Variants in TCAIM observed in about 807,000 individuals in gnomAD.
The protein encoded by TCAIM is T cell activation inhibitor, mitochondrial.
Under a neutral mutation model 58.6 loss-of-function variants are expected in TCAIM, and 36 were observed. That is an observed-to-expected ratio of 0.61 (90% confidence interval 0.47 to 0.81). TCAIM has a LOEUF of 0.81. TCAIM is among the 30% of genes least tolerant of loss of function. TCAIM has a pLI of 0.00. For synonymous variants in TCAIM, 172 were observed against 193.6 expected (o/e 0.89, Z 0.93); for missense variants, 466 against 579.6 (o/e 0.80, Z 2.01).
At chr3:44,342,837 A>G (rs1466523409) in intron 1 of TCAIM, among the ~76,000 whole-genome samples, 1 of 151,942 alleles carries the variant, frequency 6.6e-6, no homozygotes, top group Non-Finnish European at 1.5e-5. Flanking sequence ...GCTGATTCAC[A>G]TTAAATAAAC....
At chr3:44,356,851 C>G (rs1701203411) in intron 2 of TCAIM, among the ~76,000 whole-genome samples, 1 of 151,508 alleles carries the variant, frequency 6.6e-6, no homozygotes, top group African/African-American at 2.4e-5. Context: ...TGGCACATGC[C>G]TGTAGTCCCA....
intron 2 of TCAIM, among the ~76,000 whole-genome samples, chr3:44,355,526 A>G (rs144119885): frequency 6.5e-4 from 99 of 152,324 alleles, no homozygotes; most frequent in Non-Finnish European, 1.2e-3. Context: ...GTGATACCCA[A>G]TATGGTTGGA....
chr3:44,346,741 C>A (rs1261321813), intron 1 of TCAIM, among the ~76,000 whole-genome samples: 1 of 152,172 alleles, frequency 6.6e-6, no homozygotes, highest in East Asian at 1.9e-4. Flanking sequence ...CTGCCGCGTG[C>A]AGACATGAAG....
intron 8 of TCAIM, among the ~76,000 whole-genome samples, chr3:44,398,821 A>G (rs1397950101): frequency 1.3e-5 from 2 of 152,218 alleles, no homozygotes; most frequent in Non-Finnish European, 2.9e-5. Flanking sequence ...CATCCATACC[A>G]TAGGATTCTA....
At chr3:44,358,718 A>G in intron 3 of TCAIM, 1 of 986,980 alleles carries the variant, frequency 1.0e-6, no homozygotes, top group African/African-American at 1.7e-5. Context: ...ATGGATACCA[A>G]GGGACTGCTA....
At chr3:44,399,478 G>A (rs1199442234) in intron 8 of TCAIM, among the ~76,000 whole-genome samples, 1 of 152,122 alleles carries the variant, frequency 6.6e-6, no homozygotes, top group Non-Finnish European at 1.5e-5. Context: ...AAAAGGCCCT[G>A]GCTTTTAATA....
chr3:44,397,712 A>G lies in TCAIM; in HGVS notation c.885+878A>G, dbSNP rs116044622. On this transcript the variant is annotated intron_variant, in intron 8 of 10. Coordinates refer to ENST00000342649, the MANE Select transcript of TCAIM (RefSeq NM_173826.4). ...TTTAAAAAACTGCCAACACTTAACT[A>G]TGGTCATCTTTTTAATTTTAGTCAG... Among the ~76,000 whole-genome samples the G allele has an allele frequency of 9.7e-3, 1,473 of 152,276 alleles. 16 individuals carry two copies. Among genetic ancestry groups the G allele is most frequent in the Non-Finnish European group, 0.016 (1,056 of 68,024 alleles).
intron 9 of TCAIM, chr3:44,400,973 C>A: frequency 1.8e-6 from 1 of 555,012 alleles, no homozygotes; most frequent in Non-Finnish European, 3.1e-6. Context: ...CAGCAGGTCA[C>A]CCCTGGCATG....
chr3:44,384,646 G>T (rs368658175), intron 5 of TCAIM, among the ~76,000 whole-genome samples: 8 of 152,304 alleles, frequency 5.3e-5, no homozygotes, highest in African/African-American at 1.9e-4. Flanking sequence ...AGTTTTCATA[G>T]TTTTTGCTTG....
chr3:44,351,555 C>T (rs894009370), intron 1 of TCAIM, among the ~76,000 whole-genome samples: 6 of 151,678 alleles, frequency 4.0e-5, no homozygotes, highest in Admixed American at 6.6e-5. Context: ...AGTGCAGTGG[C>T]GTGATCTCGG....
chr3:44,345,138 T>C (rs1213841879), intron 1 of TCAIM, among the ~76,000 whole-genome samples: 1 of 152,058 alleles, frequency 6.6e-6, no homozygotes, highest in Admixed American at 6.5e-5. Context: ...TCAGGGCTGC[T>C]TCGAGCAGGA....
intron 5 of TCAIM, among the ~76,000 whole-genome samples, chr3:44,375,078 T>A (rs1289638051): frequency 6.6e-6 from 1 of 152,232 alleles, no homozygotes; most frequent in Non-Finnish European, 1.5e-5. Flanking sequence ...CATTTTTATA[T>A]ACCTTTTAAT....
intron 10 of TCAIM, among the ~76,000 whole-genome samples, chr3:44,403,759 C>T (rs1042794905): frequency 6.6e-6 from 1 of 152,196 alleles, no homozygotes; most frequent in African/African-American, 2.4e-5. Context: ...TCCCCTGTCT[C>T]ACTCCCTACC....
chr3:44,362,317 C>T (rs1450076651), intron 4 of TCAIM: 5 of 398,824 alleles, frequency 1.3e-5, no homozygotes, highest in Non-Finnish European at 2.2e-5. Context: ...TGACCTTTAA[C>T]TTTTGGGTGT....
chr3:44,403,926 G>A (rs193068710), intron 10 of TCAIM, among the ~76,000 whole-genome samples: 308 of 152,114 alleles, frequency 2.0e-3, no homozygotes, highest in African/African-American at 6.2e-3. Flanking sequence ...GTGGACTCTC[G>A]TCAGAGCAGC....
intron 4 of TCAIM, 117 bp downstream of exon 4, chr3:44,361,635 T>A: frequency 2.0e-6 from 2 of 1,018,468 alleles, no homozygotes; most frequent in Non-Finnish European, 2.7e-6. Flanking sequence ...AATAATAGCA[T>A]TTAATTGATT....
intron 5 of TCAIM, among the ~76,000 whole-genome samples, chr3:44,381,934 G>A (rs1386134501): frequency 6.6e-6 from 1 of 152,160 alleles, no homozygotes; most frequent in African/African-American, 2.4e-5. Flanking sequence ...CGAAAGACTT[G>A]TAGTACAATG....
intron 1 of TCAIM, among the ~76,000 whole-genome samples, chr3:44,351,643 C>T (rs1429763069): frequency 1.3e-5 from 2 of 151,746 alleles, no homozygotes; most frequent in Admixed American, 6.6e-5. Context: ...TACAGGGTCC[C>T]ACTACCACAC....
intron 1 of TCAIM, among the ~76,000 whole-genome samples, chr3:44,351,602 C>T (rs1475837435): frequency 6.6e-6 from 1 of 152,042 alleles, no homozygotes; most frequent in Non-Finnish European, 1.5e-5. Context: ...TCAAGTGATT[C>T]TGCTGCCTCA....
Sources: allele counts gnomAD v4.1 joint callset (sites outside exome capture counted in the v4.1 genomes callset), GRCh38; gene constraint gnomAD v4.1.1; transcripts MANE v1.5; gene names NCBI Gene and HGNC (gene_info 2026-07-23, HGNC 2026-07-21).